CARS1: variants seen among roughly 807,000 people sequenced by gnomAD.
The protein encoded by CARS1 is cysteinyl-tRNA synthetase 1.
CARS1 carries 48 observed loss-of-function variants against 106.2 expected under a neutral mutation model. The observed-to-expected ratio is 0.45, with a 90% CI of 0.36 to 0.57. The LOEUF (loss-of-function observed/expected upper bound fraction) is 0.57, where lower values mean the gene tolerates loss of function less well. Among genes scored for constraint, CARS1 ranks in the 20% least tolerant of loss-of-function variants. CARS1 has a pLI of 0.00. For missense variants in CARS1, 968 were observed against 1,057.2 expected (o/e 0.92, Z 1.17); for synonymous variants, 409 against 403.4 (o/e 1.01, Z -0.17).
intron 18 of CARS1, among the ~76,000 whole-genome samples, chr11:3,010,770 CT>C (rs2134111069): frequency 6.6e-6 from 1 of 152,394 alleles, no homozygotes; most frequent in Non-Finnish European, 1.5e-5. Flanking sequence ...GATTCGGCTC[CT>C]CCGCCTCTCG....
intron 13 of CARS1, 25 bp downstream of exon 13, chr11:3,018,595 G>T (rs779784348): frequency 7.4e-6 from 12 of 1,613,612 alleles, no homozygotes; most frequent in Admixed American, 1.7e-5. Flanking sequence ...TGGTTGGGGG[G>T]TCTGTGGGAG....
rs755108303 is a variant in CARS1, at chr11:3,006,919, G to A, written c.2109C>T (p.Asn703=). 38 of 1,614,008 alleles carry A rather than the reference G, an allele frequency of 2.4e-5. No homozygotes were observed. Among genetic ancestry groups the A allele is most frequent in the Admixed American group, 8.3e-5 (5 of 60,008 alleles). Residue 703 remains asparagine (N), a synonymous_variant, in exon 19 of 23, where the codon AAC becomes AAT. Coordinates refer to ENST00000380525, the MANE Select transcript of CARS1 (RefSeq NM_001014437.3). Reference sequence around the variant, plus strand: ...ACCGCACCCCAAGCTCGGGCAGGATGTTGTCCCGCAGGGCATCGCTGAGCT... The same window carrying A: ...ACCGCACCCCAAGCTCGGGCAGGATATTGTCCCGCAGGGCATCGCTGAGCT... The part of the protein sequence containing the change: ...ILQLSDALRD[N]ILPELGVRFE...
In CARS1 at chr11:3,017,896, A is replaced by G. The variant is rs757295269; in HGVS notation, c.1688T>C (p.Phe563Ser). 5.3e-5 allele frequency: 86 copies of G among 1,613,680 alleles called. No homozygotes were observed. Among genetic ancestry groups the G allele is most frequent in the Non-Finnish European group, 7.2e-5 (85 of 1,179,710 alleles). ...LRAPVDITGQ[F>S]EKWGEEEAEL... ...TGCTTCTTCTTCTCCCCACTTCTCA[A>G]ACTGACCAGTGATGTCAACAGGAGC... The change falls in exon 15 of 23, where the codon TTT (phenylalanine) becomes TCT (serine). Residue 563 changes from phenylalanine (F) to serine (S), a missense_variant. Transcript: ENST00000380525. This position sits in a 1 kb window ranked among gnomAD's most constrained non-coding sequence, Gnocchi z 4.9.
At chr11:3,023,795 T>C (rs1407728050) in intron 10 of CARS1, among the ~76,000 whole-genome samples, 1 of 152,254 alleles carries the variant, frequency 6.6e-6, no homozygotes, top group Non-Finnish European at 1.5e-5. Flanking sequence ...CAATTGTTTC[T>C]GTTTCTTTAA....
chr11:3,029,480 C>T lies in CARS1; in HGVS notation c.802-37G>A. On this transcript the variant is annotated intron_variant, in intron 7 of 22. Coordinates refer to ENST00000380525, the MANE Select transcript of CARS1 (RefSeq NM_001014437.3). The surrounding 1 kb of genome is among the most constrained non-coding windows in gnomAD (Gnocchi z 5.9). ...GAAACAAAAATCCAGCAGCGGGCCA[C>T]ACACTTCACATGAGAACATCTCGTG... 8 of 1,607,652 alleles carry T rather than the reference C, an allele frequency of 5.0e-6. No individual in the cohort carries two copies. The highest frequency in any genetic ancestry group is 6.8e-6 in the Non-Finnish European group (8 of 1,178,324).
chr11:3,006,835 C>T (rs1295069437), intron 19 of CARS1, 44 bp downstream of exon 19: 1 of 1,501,656 alleles, frequency 6.7e-7, no homozygotes, highest in African/African-American at 1.4e-5. Context: ...GACACCTCTC[C>T]AAGCTCCTGG....
Position 3,038,094 on chromosome 11 carries a change from C to G in CARS1, c.757G>C (p.Val253Leu), listed in dbSNP as rs1171988069. Reference protein sequence around the residue: ...QLATEPLEKAVQSRLTGEEVN... With the variant: ...QLATEPLEKALQSRLTGEEVN... ...TCCTCTCCCGTGAGTCTGGACTGCACAGCTTTCTCAAGTGGCTCTGTGGCA... is the reference window on the plus strand; with the variant it reads ...TCCTCTCCCGTGAGTCTGGACTGCAGAGCTTTCTCAAGTGGCTCTGTGGCA... The change falls in exon 7 of 23, where the codon GTG becomes CTG. Residue 253 changes from valine to leucine, a missense_variant. Val to Leu is a conservative substitution (Grantham distance 32). Coordinates refer to ENST00000380525, the MANE Select transcript of CARS1 (RefSeq NM_001014437.3). This position sits in a 1 kb window ranked among gnomAD's most constrained non-coding sequence, Gnocchi z 4.0. 1.2e-6 allele frequency: 2 copies of G among 1,614,104 alleles called. No individual in the cohort carries two copies. Among genetic ancestry groups the G allele is most frequent in the East Asian group, 2.2e-5 (1 of 44,896 alleles).
intron 18 of CARS1, among the ~76,000 whole-genome samples, chr11:3,011,682 C>T (rs1850477486): frequency 6.6e-6 from 1 of 152,276 alleles, no homozygotes; most frequent in Middle Eastern, 3.4e-3. Flanking sequence ...CTGTGTGAAC[C>T]CCAAGTTCAA....
In CARS1 at chr11:3,048,263, GACA is replaced by G. The variant is rs1336516124; in HGVS notation, c.26-265_26-263del. ...AACTAGACAGAAATGAAGGCTGCAT[GACA>G]ACATCATGCGCCAAATACCACAGAA... On this transcript the variant is annotated intron_variant, in intron 1 of 22. Coordinates refer to ENST00000380525, the MANE Select transcript of CARS1 (RefSeq NM_001014437.3). The surrounding 1 kb of genome is among the most constrained non-coding windows in gnomAD (Gnocchi z 5.1). The G allele has an allele frequency of 1.2e-5, 5 of 431,120 alleles. No homozygotes were observed. The highest frequency in any genetic ancestry group is 2.1e-5 in the Non-Finnish European group (5 of 239,358). 26.7% of individuals were successfully genotyped at this position (431,120 alleles called of 1,614,324 possible).
At position 3,019,916 on chromosome 11, in the gene CARS1, T is replaced by C. The variant is rs1408299651; in HGVS notation, c.1266+304A>G. On this transcript the variant is annotated intron_variant, in intron 11 of 22. Coordinates refer to ENST00000380525, the MANE Select transcript of CARS1 (RefSeq NM_001014437.3). The surrounding 1 kb of genome is among the most constrained non-coding windows in gnomAD (Gnocchi z 6.2). ...AGAACGCATCCTACACCCTGGGGCC[T>C]GGAATACTCAGAGTCACAGAACACA... Among the ~76,000 whole-genome samples, 1 of 152,128 alleles carries C rather than the reference T, an allele frequency of 6.6e-6. No individual in the cohort carries two copies. Among genetic ancestry groups the C allele is most frequent in the Non-Finnish European group, 1.5e-5 (1 of 68,018 alleles).
In CARS1 at chr11:3,019,090, A is replaced by G; in HGVS notation, c.1395+49T>C. The G allele has an allele frequency of 6.7e-7, 1 of 1,497,912 alleles. No individual in the cohort carries two copies. Among genetic ancestry groups the G allele is most frequent in the Middle Eastern group, 1.8e-4 (1 of 5,578 alleles). The allele number at this position is 1,497,912 out of a possible 1,614,324, so 92.8% of individuals were successfully genotyped here. A position where few individuals can be genotyped will look rare whatever the true frequency, so the allele number is the denominator to read the frequency against. On this transcript the variant is annotated intron_variant, in intron 12 of 22. Coordinates refer to ENST00000380525, the MANE Select transcript of CARS1 (RefSeq NM_001014437.3). The surrounding 1 kb of genome is among the most constrained non-coding windows in gnomAD (Gnocchi z 6.2). ...GGGCTGACTTTTCCTCCACTGCAGT[A>G]TGAACACTGTGCTCTTGCACCTGAC... is the stretch of plus-strand genomic sequence containing the variant.
chr11:3,012,852 A>G (rs976084121), intron 17 of CARS1, among the ~76,000 whole-genome samples: 1 of 150,236 alleles, frequency 6.7e-6, no homozygotes, highest in Non-Finnish European at 1.5e-5. Flanking sequence ...GGAGGTGGCC[A>G]CAGGATAGAA....
In CARS1 at chr11:3,057,407, T is replaced by G. The variant is rs780192350; in HGVS notation, c.-40A>C. 1.3e-6 allele frequency: 2 copies of G among 1,596,386 alleles called. No homozygotes were observed. Among genetic ancestry groups the G allele is most frequent in the South Asian group, 2.2e-5 (2 of 90,154 alleles). On this transcript the variant is annotated 5_prime_UTR_variant, in exon 1 of 23. Coordinates refer to ENST00000380525, the MANE Select transcript of CARS1 (RefSeq NM_001014437.3). ...GACCCGCAGCTGCGGCTACAGACAC[T>G]TCCTAGAATCTGATGCAACCGCCGC...
chr11:3,029,725 C>CT lies in CARS1; in HGVS notation c.802-283dup. On this transcript the variant is annotated intron_variant, in intron 7 of 22. Transcript: ENST00000380525. The surrounding 1 kb of genome is among the most constrained non-coding windows in gnomAD (Gnocchi z 5.9). ...AAGAGGTGGGAGGGCCGAGGTGGGC[C>CT]TGGTGAGCATGTGCAGCCTACCTGG... 1 of 476,088 alleles carries CT rather than the reference C, an allele frequency of 2.1e-6. No individual in the cohort carries two copies. The highest frequency in any genetic ancestry group is 3.7e-6 in the Non-Finnish European group (1 of 267,384). The allele number at this position is 476,088 out of a possible 1,614,324, so 29.5% of individuals were successfully genotyped here. A position where few individuals can be genotyped will look rare whatever the true frequency, so the allele number is the denominator to read the frequency against.
chr11:3,010,947 G>C (rs1850388088), intron 18 of CARS1, among the ~76,000 whole-genome samples: 1 of 152,296 alleles, frequency 6.6e-6, no homozygotes, highest in African/African-American at 2.4e-5. Context: ...GTGGATCCTA[G>C]GTCAGACTTC....
In CARS1 at chr11:3,030,393, G is replaced by A. The variant is rs1852601990; in HGVS notation, c.802-950C>T. 3 of 152,252 alleles carry A rather than the reference G, an allele frequency of 2.0e-5. No individual in the cohort carries two copies. The highest frequency in any genetic ancestry group is 1.3e-4 in the Admixed American group (2 of 15,286). The allele number at this position is 152,252 out of a possible 1,614,324, so 9.4% of individuals were successfully genotyped here. On this transcript the variant is annotated intron_variant, in intron 7 of 22. Coordinates refer to ENST00000380525, the MANE Select transcript of CARS1 (RefSeq NM_001014437.3). This position sits in a 1 kb window ranked among gnomAD's most constrained non-coding sequence, Gnocchi z 5.7. The stretch of plus-strand genomic sequence containing the variant: ...TGCAGGCCTGCAAGTGGCAAGGCAC[G>A]TCTGCAGGAATGAGCACACCCTCCC...
chr11:3,055,370 T>C (rs1856101302), intron 1 of CARS1, among the ~76,000 whole-genome samples: 1 of 152,192 alleles, frequency 6.6e-6, no homozygotes, highest in Non-Finnish European at 1.5e-5. Context: ...CTCGATCTCC[T>C]GACCTCGTGA....
intron 17 of CARS1, 58 bp from the exon 18 acceptor site, chr11:3,012,334 A>T (rs2134118535): frequency 6.9e-7 from 1 of 1,459,762 alleles, no homozygotes; most frequent in Non-Finnish European, 9.6e-7. Context: ...TATTCATAAC[A>T]GAATAATAGC....
Position 3,041,312 on chromosome 11 carries a change from G to C in CARS1, c.367-328C>G, listed in dbSNP as rs1419523972. On this transcript the variant is annotated intron_variant, in intron 3 of 22. Coordinates refer to ENST00000380525, the MANE Select transcript of CARS1 (RefSeq NM_001014437.3). The surrounding 1 kb of genome is among the most constrained non-coding windows in gnomAD (Gnocchi z 4.9). ...AACAATAACACAGCTAATATTTACT[G>C]AGTACCTACCATGTGCCAGGCCCTG... 5.9e-6 allele frequency: 2 copies of C among 339,744 alleles called. No individual in the cohort carries two copies. The highest frequency in any genetic ancestry group is 1.1e-5 in the Non-Finnish European group (2 of 180,032). 21.0% of individuals were successfully genotyped at this position (339,744 alleles called of 1,614,324 possible).
Sources: gnomAD v4.1 joint callset for allele counts (sites outside exome capture counted in the v4.1 genomes callset) on GRCh38, gnomAD v4.1.1 for gene constraint, Gnocchi (gnomAD v3.1) non-coding constraint, MANE v1.5 for transcripts, NCBI Gene and HGNC (gene_info 2026-07-23, HGNC 2026-07-21) for gene names.